Variants in DLGAP1 observed in about 807,000 individuals in gnomAD.
DLGAP1 encodes the protein disks large-associated protein 1.
DLGAP1 carries 11 observed loss-of-function variants against 90.8 expected under a neutral mutation model. That is an observed-to-expected ratio of 0.12 (90% confidence interval 0.08 to 0.20). DLGAP1 has a LOEUF of 0.20. Among genes scored for constraint, DLGAP1 ranks in the 10% least tolerant of loss-of-function variants. The pLI is 1.00. For missense variants in DLGAP1, 1,050 were observed against 1,333.8 expected (o/e 0.79, Z 3.31); for synonymous variants, 558 against 540.7 (o/e 1.03, Z -0.44).
chr18:3,831,465 T>G (rs891205684), intron 4 of DLGAP1, among the ~76,000 whole-genome samples: 1 of 152,184 alleles, frequency 6.6e-6, no homozygotes, highest in Non-Finnish European at 1.5e-5. Context: ...TATACTGTAT[T>G]GTTCTCTTAA....
chr18:4,184,751 T>G (rs903331487), intron 1 of DLGAP1, among the ~76,000 whole-genome samples: 7 of 152,138 alleles, frequency 4.6e-5, no homozygotes, highest in African/African-American at 1.7e-4. Flanking sequence ...CATACTAAAC[T>G]AAAGTTCTGG....
intron 7 of DLGAP1, chr18:3,722,697 CTGAT>C (rs1207607667): frequency 6.6e-6 from 1 of 152,150 alleles, no homozygotes; most frequent in Non-Finnish European, 1.5e-5. Context: ...CAGAAAGCTT[CTGAT>C]TGATATCTGT....
intron 8 of DLGAP1, among the ~76,000 whole-genome samples, chr18:3,572,351 T>A (rs1195378846): frequency 2.0e-5 from 3 of 152,268 alleles, no homozygotes; most frequent in African/African-American, 7.2e-5. Context: ...AAGAAAATAT[T>A]CATCCTTACT....
intron 1 of DLGAP1, among the ~76,000 whole-genome samples, chr18:4,344,107 G>A (rs879523207): frequency 1.3e-5 from 2 of 152,150 alleles, no homozygotes. Flanking sequence ...TTTAAAGACA[G>A]ACAACATCAG....
At chr18:3,725,481 T>C (rs1041987897) in intron 7 of DLGAP1, among the ~76,000 whole-genome samples, 4 of 152,210 alleles carry the variant, frequency 2.6e-5, no homozygotes, top group African/African-American at 7.2e-5. Flanking sequence ...TTTTAGATGA[T>C]TGAGGCAAGG....
At chr18:3,959,529 T>C (rs1208700136) in intron 3 of DLGAP1, among the ~76,000 whole-genome samples, 1 of 151,996 alleles carries the variant, frequency 6.6e-6, no homozygotes, top group Non-Finnish European at 1.5e-5. Context: ...TAGCCGGACG[T>C]GGTGTCGCGT....
intron 3 of DLGAP1, among the ~76,000 whole-genome samples, chr18:3,961,571 C>G (rs192444859): frequency 6.6e-6 from 1 of 152,278 alleles, no homozygotes; most frequent in Admixed American, 6.5e-5. Context: ...CACAAGGGCA[C>G]CAGCGAGTGT....
intron 1 of DLGAP1, among the ~76,000 whole-genome samples, chr18:4,443,575 T>A (rs919801627): frequency 2.0e-5 from 3 of 152,234 alleles, no homozygotes; most frequent in Non-Finnish European, 4.4e-5. Context: ...TAGAAGCCAG[T>A]CACTACCGTG....
chr18:3,904,203 C>T (rs2071846468), intron 3 of DLGAP1, among the ~76,000 whole-genome samples: 1 of 152,154 alleles, frequency 6.6e-6, no homozygotes. Flanking sequence ...GACTGATCTC[C>T]TTTTTCAGGA....
intron 5 of DLGAP1, among the ~76,000 whole-genome samples, chr18:3,754,390 G>T (rs1270490236): frequency 6.6e-6 from 1 of 151,990 alleles, no homozygotes; most frequent in South Asian, 2.1e-4. Context: ...GGGTCCACTT[G>T]AGCACTGGTT....
chr18:4,079,691 A>AAT (rs10597845), intron 2 of DLGAP1, among the ~76,000 whole-genome samples: 11,969 of 146,432 alleles, frequency 0.082, 603 homozygotes, highest in East Asian at 0.2. Flanking sequence ...ATTGAAATTA[A>AAT]ATATATATAT....
chr18:3,889,726 T>G (rs754460920), intron 3 of DLGAP1, among the ~76,000 whole-genome samples: 1 of 152,204 alleles, frequency 6.6e-6, no homozygotes, highest in Non-Finnish European at 1.5e-5. Flanking sequence ...ACTGAGCTAA[T>G]GAGATGCTCA....
intron 7 of DLGAP1, among the ~76,000 whole-genome samples, chr18:3,688,456 A>T (rs887541455): frequency 1.3e-5 from 2 of 152,086 alleles, no homozygotes; most frequent in Non-Finnish European, 2.9e-5. Context: ...AAGATCAGTG[A>T]AATGCTGAAA....
At chr18:3,545,770 A>C (rs1042866813) in intron 9 of DLGAP1, among the ~76,000 whole-genome samples, 1 of 152,236 alleles carries the variant, frequency 6.6e-6, no homozygotes, top group Non-Finnish European at 1.5e-5. Context: ...AGGATGAAAA[A>C]AGATACATGG....
At chr18:4,095,506 T>C (rs1367729802) in intron 2 of DLGAP1, among the ~76,000 whole-genome samples, 1 of 152,224 alleles carries the variant, frequency 6.6e-6, no homozygotes, top group East Asian at 1.9e-4. Context: ...TAGAGAATTC[T>C]TTTCTTGCTA....
At chr18:4,187,362 T>C (rs2077315085) in intron 1 of DLGAP1, among the ~76,000 whole-genome samples, 1 of 152,164 alleles carries the variant, frequency 6.6e-6, no homozygotes, top group Non-Finnish European at 1.5e-5. Context: ...TTTTGCCCAG[T>C]GAACGCTCCT....
At chr18:3,972,430 T>C (rs2073472028) in intron 3 of DLGAP1, among the ~76,000 whole-genome samples, 1 of 152,170 alleles carries the variant, frequency 6.6e-6, no homozygotes, top group South Asian at 2.1e-4. Context: ...ATTCATTCTG[T>C]CTTTTCTGTC....
chr18:4,101,627 C>A (rs951173043), intron 2 of DLGAP1, among the ~76,000 whole-genome samples: 1 of 148,344 alleles, frequency 6.7e-6, no homozygotes, highest in Admixed American at 6.7e-5. Flanking sequence ...AAAAAAGTGA[C>A]GTGCAATAAA....
intron 3 of DLGAP1, among the ~76,000 whole-genome samples, chr18:3,954,378 G>C (rs2073045391): frequency 6.6e-6 from 1 of 152,228 alleles, no homozygotes; most frequent in Admixed American, 6.5e-5. Flanking sequence ...TTGATGTTAA[G>C]TGGTGTGAAC....
Sources: gnomAD v4.1 joint callset for allele counts (sites outside exome capture counted in the v4.1 genomes callset) on GRCh38, gnomAD v4.1.1 for gene constraint, MANE v1.5 for transcripts, NCBI Gene and HGNC (gene_info 2026-07-23, HGNC 2026-07-21) for gene names.